Variants in TMPRSS11E observed in about 807,000 individuals in gnomAD.
The protein encoded by TMPRSS11E is transmembrane serine protease 11E.
TMPRSS11E carries 38 observed loss-of-function variants against 48.1 expected under a neutral mutation model. The ratio of observed to expected loss-of-function variants is 0.79; its 90% CI spans 0.61 to 1.04. The LOEUF is 1.04. Among genes scored for constraint, TMPRSS11E ranks in the 50% least tolerant of loss-of-function variants. The pLI is 0.00. For missense variants in TMPRSS11E, 530 were observed against 510.8 expected (o/e 1.04, Z -0.36); for synonymous variants, 158 against 171.9 (o/e 0.92, Z 0.63).
intron 5 of TMPRSS11E, 80 bp downstream of exon 5, chr4:68,471,703 T>G: frequency 1.8e-6 from 2 of 1,086,790 alleles, no homozygotes; most frequent in Non-Finnish European, 2.5e-6. Flanking sequence ...AAAAATTTTT[T>G]TTGATGTCCT....
chr4:68,496,176 T>C (rs968316153), intron 9 of TMPRSS11E, among the ~76,000 whole-genome samples: 1 of 152,136 alleles, frequency 6.6e-6, no homozygotes, highest in Non-Finnish European at 1.5e-5. Context: ...TTAGCCAGCA[T>C]GGAAAGGCCA....
intron 1 of TMPRSS11E, among the ~76,000 whole-genome samples, chr4:68,458,983 G>T (rs1003648691): frequency 1.3e-5 from 2 of 152,108 alleles, no homozygotes; most frequent in Non-Finnish European, 2.9e-5. Flanking sequence ...GGTTAGGAGG[G>T]GTCTGGACTT....
chr4:68,495,278 A>T (rs967827252), intron 9 of TMPRSS11E, among the ~76,000 whole-genome samples: 1 of 152,076 alleles, frequency 6.6e-6, no homozygotes, highest in Middle Eastern at 3.4e-3. Context: ...TACTATTTGT[A>T]TACTGCTATC....
At chr4:68,464,366 G>T (rs1219763047) in intron 2 of TMPRSS11E, among the ~76,000 whole-genome samples, 1 of 152,138 alleles carries the variant, frequency 6.6e-6, no homozygotes, top group African/African-American at 2.4e-5. Context: ...TTCTGTGTAT[G>T]GTTCGTGTCT....
chr4:68,478,921 C>G lies in TMPRSS11E; in HGVS notation c.1040C>G (p.Ala347Gly). 6.2e-7 allele frequency: 1 copy of G among 1,614,052 alleles called. No individual in the cohort carries two copies. The highest frequency in any genetic ancestry group is 1.1e-5 in the South Asian group (1 of 91,082). Reference protein sequence around the residue: ...IDATTCNEPQAYNDAITPRML... With the variant: ...IDATTCNEPQGYNDAITPRML... ...GCTACAACTTGCAATGAACCTCAAG[C>G]TTACAATGACGCCATAACTCCTAGA... is the stretch of plus-strand genomic sequence containing the variant. The change falls in exon 9 of 10, where the codon GCT becomes GGT. Residue 347 changes from alanine (A) to glycine (G), a missense_variant. Transcript: ENST00000305363.
intron 2 of TMPRSS11E, 97 bp downstream of exon 2, chr4:68,462,042 C>A: frequency 6.8e-7 from 1 of 1,471,744 alleles, no homozygotes; most frequent in Non-Finnish European, 9.4e-7. Context: ...TTTATCACTA[C>A]GATTCATTTG....
intron 3 of TMPRSS11E, 94 bp downstream of exon 3, chr4:68,466,846 G>A: frequency 6.6e-7 from 1 of 1,520,228 alleles, no homozygotes; most frequent in African/African-American, 1.4e-5. Flanking sequence ...TCAACTAACG[G>A]ATCCCTGTGT....
chr4:68,496,204 C>G (rs1161759505), intron 9 of TMPRSS11E, among the ~76,000 whole-genome samples: 1 of 151,966 alleles, frequency 6.6e-6, no homozygotes, highest in African/African-American at 2.4e-5. Flanking sequence ...GATAGAAACC[C>G]TGGTGTCTGA....
chr4:68,470,019 A>G (rs1397464883), intron 4 of TMPRSS11E, among the ~76,000 whole-genome samples: 1 of 151,896 alleles, frequency 6.6e-6, no homozygotes, highest in African/African-American at 2.4e-5. Flanking sequence ...TGTTACTGCA[A>G]TAGTGAGAAG....
At chr4:68,495,775 G>A (rs1255034886) in intron 9 of TMPRSS11E, among the ~76,000 whole-genome samples, 1 of 152,056 alleles carries the variant, frequency 6.6e-6, no homozygotes, top group Non-Finnish European at 1.5e-5. Flanking sequence ...TAATGTTTCT[G>A]AGTTTCAGTT....
intron 5 of TMPRSS11E, among the ~76,000 whole-genome samples, chr4:68,473,190 T>G (rs1013128601): frequency 1.3e-5 from 2 of 152,100 alleles, no homozygotes; most frequent in African/African-American, 2.4e-5. Context: ...TTTCCCTATC[T>G]TTCTCTTTCT....
At chr4:68,470,198 T>C (rs1049627298) in intron 4 of TMPRSS11E, among the ~76,000 whole-genome samples, 7 of 151,722 alleles carry the variant, frequency 4.6e-5, no homozygotes, top group African/African-American at 1.5e-4. Flanking sequence ...TGGGTGTAAA[T>C]TTCTCAGAAA....
chr4:68,454,973 A>C (rs1304006951), intron 1 of TMPRSS11E, among the ~76,000 whole-genome samples: 1 of 151,890 alleles, frequency 6.6e-6, no homozygotes, highest in Non-Finnish European at 1.5e-5. Flanking sequence ...GCTATTTTGA[A>C]ATGCAAAACA....
chr4:68,489,651 C>T (rs1729660469), intron 9 of TMPRSS11E, among the ~76,000 whole-genome samples: 1 of 152,222 alleles, frequency 6.6e-6, no homozygotes, highest in Admixed American at 6.5e-5. Context: ...AGGAGCTCTC[C>T]AGCTGTTAGG....
intron 5 of TMPRSS11E, 24 bp from the exon 6 acceptor site, chr4:68,474,698 TA>T: frequency 6.2e-7 from 1 of 1,606,198 alleles, no homozygotes; most frequent in Non-Finnish European, 8.5e-7. Context: ...GTGCTGACCC[TA>T]TTTGCCATTT....
chr4:68,457,591 T>C (rs549804999), intron 1 of TMPRSS11E, among the ~76,000 whole-genome samples: 1 of 152,152 alleles, frequency 6.6e-6, no homozygotes, highest in African/African-American at 2.4e-5. Flanking sequence ...TAAAGACACA[T>C]GCACACGTAT....
chr4:68,480,708 T>C (rs1020860538), intron 9 of TMPRSS11E, among the ~76,000 whole-genome samples: 22 of 152,212 alleles, frequency 1.4e-4, no homozygotes, highest in African/African-American at 5.3e-4. Context: ...TTCAGATATA[T>C]GCTGAGCATC....
At chr4:68,466,070 G>A (rs1354027071) in intron 2 of TMPRSS11E, among the ~76,000 whole-genome samples, 2 of 152,158 alleles carry the variant, frequency 1.3e-5, no homozygotes, top group African/African-American at 4.8e-5. Flanking sequence ...AGTGTCCCTG[G>A]AAGGTTATGC....
At chr4:68,473,055 G>A (rs1431643954) in intron 5 of TMPRSS11E, among the ~76,000 whole-genome samples, 1 of 151,930 alleles carries the variant, frequency 6.6e-6, no homozygotes, top group Non-Finnish European at 1.5e-5. Context: ...TGCCTCAATG[G>A]AAATAGTACA....
Sources: allele counts gnomAD v4.1 joint callset (sites outside exome capture counted in the v4.1 genomes callset), GRCh38; gene constraint gnomAD v4.1.1; transcripts MANE v1.5; gene names NCBI Gene and HGNC (gene_info 2026-07-23, HGNC 2026-07-21).